The following SIDT1 variants were observed in gnomAD, a reference collection of about 807,000 sequenced individuals.
The protein encoded by SIDT1 is SID1 transmembrane family member 1.
SIDT1 carries 101 observed loss-of-function variants against 107.5 expected under a neutral mutation model. The ratio of observed to expected loss-of-function variants is 0.94; its 90% CI spans 0.80 to 1.11. SIDT1 has a LOEUF of 1.11. Among genes scored for constraint, SIDT1 ranks in the 50% least tolerant of loss-of-function variants. The pLI, the probability that SIDT1 is intolerant of heterozygous loss-of-function variation, is 0.00. For missense variants in SIDT1, 1,076 were observed against 1,058.2 expected (o/e 1.02, Z -0.23); for synonymous variants, 395 against 398.2 (o/e 0.99, Z 0.10).
chr3:113,621,287 T>A (rs1212680601), intron 21 of SIDT1, among the ~76,000 whole-genome samples: 2 of 151,792 alleles, frequency 1.3e-5, no homozygotes, highest in Non-Finnish European at 2.9e-5. Flanking sequence ...GAGAAGAAAA[T>A]TTTCTGCATT....
chr3:113,576,131 C>CCT (rs1230255926), intron 3 of SIDT1, among the ~76,000 whole-genome samples: 1 of 152,196 alleles, frequency 6.6e-6, no homozygotes, highest in Non-Finnish European at 1.5e-5. Flanking sequence ...AGCAGACAGC[C>CCT]CTCTATACTA....
intron 1 of SIDT1, 25 bp downstream of exon 1, chr3:113,533,268 G>A: frequency 7.1e-7 from 1 of 1,417,140 alleles, no homozygotes. Flanking sequence ...CCCCTCGCTC[G>A]ACTCCTAGAA....
chr3:113,552,706 T>G (rs1306919343), intron 1 of SIDT1, among the ~76,000 whole-genome samples: 3 of 152,136 alleles, frequency 2.0e-5, no homozygotes, highest in African/African-American at 7.2e-5. Context: ...TGGACCCTAT[T>G]GATATCACCA....
At chr3:113,542,033 CCTG>C (rs1157050261) in intron 1 of SIDT1, among the ~76,000 whole-genome samples, 1 of 151,714 alleles carries the variant, frequency 6.6e-6, no homozygotes, top group African/African-American at 2.4e-5. Flanking sequence ...AAGCAATTCA[CCTG>C]CCTCAGCCTC....
intron 3 of SIDT1, among the ~76,000 whole-genome samples, chr3:113,576,410 C>A (rs529880080): frequency 6.6e-6 from 1 of 152,258 alleles, no homozygotes; most frequent in South Asian, 2.1e-4. Flanking sequence ...TAGTAAGGGC[C>A]TGCTTCTGTC....
chr3:113,550,511 T>C (rs1163089833), intron 1 of SIDT1, among the ~76,000 whole-genome samples: 2 of 152,200 alleles, frequency 1.3e-5, no homozygotes, highest in East Asian at 3.8e-4. Context: ...ATATTTGTAT[T>C]GATGTCATGT....
At chr3:113,558,450 G>A (rs1224201102) in intron 1 of SIDT1, among the ~76,000 whole-genome samples, 1 of 152,146 alleles carries the variant, frequency 6.6e-6, no homozygotes, top group Admixed American at 6.6e-5. Context: ...TTACAGGAAG[G>A]CACCAACTGA....
At chr3:113,611,333 TA>T (rs538120975) in intron 18 of SIDT1, among the ~76,000 whole-genome samples, 189 bp downstream of exon 18, 9 of 152,276 alleles carry the variant, frequency 5.9e-5, no homozygotes, top group Admixed American at 5.9e-4. Flanking sequence ...CACTTTTACT[TA>T]GTTATTTAGT....
rs374370269 is a variant in SIDT1, at chr3:113,547,695, A to G, written c.222+14452A>G. Among the ~76,000 whole-genome samples the G allele has an allele frequency of 8.9e-4, 136 of 152,238 alleles. 1 individual carries two copies. Among genetic ancestry groups the G allele is most frequent in the African/African-American group, 3.1e-3 (127 of 41,582 alleles). On this transcript the variant is annotated intron_variant, in intron 1 of 24. Transcript: ENST00000264852. ...TTCTTTCCTGATAAGAAAGCTATTTATAATTCACTTTCCTGTCACAGCTCC... is the reference window on the plus strand; with the variant it reads ...TTCTTTCCTGATAAGAAAGCTATTTGTAATTCACTTTCCTGTCACAGCTCC...
At position 113,551,484 on chromosome 3, in the gene SIDT1, A is replaced by G. The variant is rs146954877; in HGVS notation, c.223-14936A>G. ...GTATTTCCTCAAGATAGTTGTACTAAATCACAAGATGTGCCCACGAGAGCA... is the reference window on the plus strand; with the variant it reads ...GTATTTCCTCAAGATAGTTGTACTAGATCACAAGATGTGCCCACGAGAGCA... On this transcript the variant is annotated intron_variant, in intron 1 of 24. Transcript: ENST00000264852. Among the ~76,000 whole-genome samples, 7 of 152,368 alleles carry G rather than the reference A, an allele frequency of 4.6e-5. No homozygotes were observed. The East Asian group carries it at 1.3e-3, about 29-fold the overall frequency.
rs1368018804 is a variant in SIDT1, at chr3:113,619,618, T to C, written c.2044-62T>C. 17 of 1,402,610 alleles carry C rather than the reference T, an allele frequency of 1.2e-5. No homozygotes were observed. In the East Asian group the frequency reaches 3.0e-4, roughly 24 times the overall value. The allele number at this position is 1,402,610 out of a possible 1,614,324, so 86.9% of individuals were successfully genotyped here. On this transcript the variant is annotated intron_variant, in intron 20 of 24. Transcript: ENST00000264852. ...TCCCATAGTTGATACTTCTACACAG[T>C]AGGTTAAAAGAAAAGTAGGCTGTGC...
chr3:113,623,192 TAAAAAA>T (rs61454117), intron 21 of SIDT1, among the ~76,000 whole-genome samples: 19,785 of 54,236 alleles, frequency 0.36, 2,497 homozygotes, highest in Non-Finnish European at 0.44. Context: ...CCCCAACTCT[TAAAAAA>T]AAAAAAAAAA....
intron 14 of SIDT1, 26 bp from the exon 15 acceptor site, chr3:113,607,015 T>C (rs1560115147): frequency 1.3e-6 from 2 of 1,513,538 alleles, no homozygotes; most frequent in Non-Finnish European, 1.8e-6. Context: ...AAACCACATT[T>C]CCTCTTCTCA....
rs968377063 is a variant in SIDT1 at position 113,611,135 on chromosome 3, C to A, written c.1848C>A (p.Val616=). Residue 616 remains valine (V), a synonymous_variant, in exon 18 of 25, where the codon GTC becomes GTA. Transcript: ENST00000264852. ...TTGCTGTGGTCATCATGGTCACCGT[C>A]CTTGGAGTGGTGCGTCCCCCACCTT... ...ASFAVVIMVT[V]LGVVFGKNDV... 8 of 1,613,810 alleles carry A rather than the reference C, an allele frequency of 5.0e-6. No homozygotes were observed. Among genetic ancestry groups the A allele is most frequent in the Non-Finnish European group, 6.8e-6 (8 of 1,179,888 alleles).
At chr3:113,614,234 C>A (rs966364246) in intron 19 of SIDT1, among the ~76,000 whole-genome samples, 2 of 152,212 alleles carry the variant, frequency 1.3e-5, no homozygotes, top group Non-Finnish European at 2.9e-5. Context: ...TTTGTCCCTG[C>A]AGTCTCCTGC....
At chr3:113,556,821 C>CTTTTTTTTTTTTTTTTTT (rs61672960) in intron 1 of SIDT1, among the ~76,000 whole-genome samples, 2 of 107,658 alleles carry the variant, frequency 1.9e-5, no homozygotes, top group African/African-American at 3.4e-5. Flanking sequence ...GTTTCTTTTT[C>CTTTTTTTTTTTTTTTTTT]TTTTTTTTTT....
chr3:113,560,574 A>G (rs900066668), intron 1 of SIDT1, among the ~76,000 whole-genome samples: 14 of 152,332 alleles, frequency 9.2e-5, no homozygotes, highest in African/African-American at 3.4e-4. Context: ...AACACAGCAC[A>G]GTTACTCAAA....
intron 14 of SIDT1, among the ~76,000 whole-genome samples, chr3:113,605,877 A>G (rs1002614372): frequency 5.9e-5 from 9 of 151,892 alleles, no homozygotes; most frequent in African/African-American, 2.2e-4. Context: ...GGTGGCACAC[A>G]CCTGTGGTCC....
At chr3:113,614,438 G>C (rs1945964603) in intron 19 of SIDT1, among the ~76,000 whole-genome samples, 1 of 152,178 alleles carries the variant, frequency 6.6e-6, no homozygotes, top group Non-Finnish European at 1.5e-5. Flanking sequence ...TCCCCAGGTG[G>C]TTACAGATGT....
Sources: allele counts gnomAD v4.1 joint callset (sites outside exome capture counted in the v4.1 genomes callset), GRCh38; gene constraint gnomAD v4.1.1; transcripts MANE v1.5; gene names NCBI Gene and HGNC (gene_info 2026-07-23, HGNC 2026-07-21).